The following SLC26A8 variants were observed in gnomAD, a reference collection of about 807,000 sequenced individuals.
SLC26A8 encodes testis anion transporter 1.
SLC26A8 carries 70 observed loss-of-function variants against 105.0 expected under a neutral mutation model. That is an observed-to-expected ratio of 0.67 (90% CI 0.55 to 0.81). The LOEUF (loss-of-function observed/expected upper bound fraction) is 0.81. Ranked by LOEUF, SLC26A8 falls within the 40% of genes least tolerant of loss-of-function variation. The pLI, the probability that SLC26A8 is intolerant of heterozygous loss-of-function variation, is 0.00. For missense variants in SLC26A8, 998 were observed against 1,181.8 expected (o/e 0.84, Z 2.28); for synonymous variants, 415 against 438.3 (o/e 0.95, Z 0.66).
In SLC26A8 at chr6:35,990,563, G is replaced by C. The variant is rs147101766; in HGVS notation, c.942+1096C>G. Reference sequence around the variant, plus strand: ...TCTCAGTTTGACATCTTCTCATCTAGATGTGCTCCTATGTTCAAGTCCAGG... The same window carrying C: ...TCTCAGTTTGACATCTTCTCATCTACATGTGCTCCTATGTTCAAGTCCAGG... On this transcript the variant is annotated intron_variant, in intron 7 of 19. Coordinates refer to ENST00000490799, the MANE Select transcript of SLC26A8 (RefSeq NM_052961.4). 30 of 153,696 alleles carry C rather than the reference G, an allele frequency of 2.0e-4. No homozygotes were observed. In the East Asian group the frequency reaches 5.1e-3, roughly 26 times the overall value. 9.5% of individuals were successfully genotyped at this position (153,696 alleles called of 1,614,324 possible).
intron 19 of SLC26A8, among the ~76,000 whole-genome samples, chr6:35,950,418 C>T (rs187527861): frequency 1.3e-5 from 2 of 151,976 alleles, no homozygotes; most frequent in Admixed American, 1.3e-4. Flanking sequence ...TCCCAAGCAA[C>T]TGGGACTACA....
At chr6:35,959,894 T>C (rs1319819094) in intron 14 of SLC26A8, 88 bp from the exon 15 acceptor site, 1 of 1,025,826 alleles carries the variant, frequency 9.7e-7, no homozygotes, top group Non-Finnish European at 1.4e-6. Context: ...CTAGAGAGTC[T>C]GTATTCTTCT....
intron 6 of SLC26A8, 124 bp downstream of exon 6, chr6:35,992,386 C>A: frequency 1.1e-6 from 1 of 940,840 alleles, no homozygotes; most frequent in South Asian, 2.1e-5. Flanking sequence ...ACCCTCTTGA[C>A]TGAGCTGCCT....
chr6:35,966,820 C>T lies in SLC26A8; in HGVS notation c.1365+2057G>A, dbSNP rs79144331. Among the ~76,000 whole-genome samples the T allele has an allele frequency of 7.1e-4, 108 of 152,202 alleles. 1 individual carries two copies. In the East Asian group the frequency reaches 0.019, roughly 26 times the overall value. ...CACTCAGAAACATGCTAACTAGATG[C>T]TATAAAATTAATGTGATGTAATATG... On this transcript the variant is annotated intron_variant, in intron 11 of 19. Coordinates refer to ENST00000490799, the MANE Select transcript of SLC26A8 (RefSeq NM_052961.4).
intron 5 of SLC26A8, among the ~76,000 whole-genome samples, chr6:35,995,260 A>G (rs1761319263): frequency 6.6e-6 from 1 of 152,168 alleles, no homozygotes; most frequent in Non-Finnish European, 1.5e-5. Flanking sequence ...GTAATATGGC[A>G]TCACGTTCAG....
At chr6:35,988,376 G>A (rs1221394170) in intron 7 of SLC26A8, among the ~76,000 whole-genome samples, 1 of 152,152 alleles carries the variant, frequency 6.6e-6, no homozygotes, top group Non-Finnish European at 1.5e-5. Flanking sequence ...GCTCATGCCT[G>A]TAATCCTGGC....
At chr6:35,948,674 T>C (rs1257002509) in intron 19 of SLC26A8, among the ~76,000 whole-genome samples, 2 of 152,206 alleles carry the variant, frequency 1.3e-5, no homozygotes, top group Non-Finnish European at 2.9e-5. Flanking sequence ...AAATACACTT[T>C]AGTTTTCATA....
intron 11 of SLC26A8, among the ~76,000 whole-genome samples, chr6:35,966,029 G>T (rs1264935759): frequency 6.7e-6 from 1 of 149,560 alleles, no homozygotes; most frequent in East Asian, 2.0e-4. Context: ...AGATTTTCTT[G>T]TGGTCATGAA....
rs569950597 is a variant in SLC26A8, at chr6:35,983,179, T to C, written c.943-976A>G. Among the ~76,000 whole-genome samples the C allele has an allele frequency of 1.6e-4, 25 of 152,274 alleles. No individual in the cohort carries two copies. The South Asian group carries it at 2.1e-3, about 13-fold the overall frequency. On this transcript the variant is annotated intron_variant, in intron 7 of 19. Transcript: ENST00000490799. ...GATACTGTTATCAGATGAAGACCCC[T>C]AGGAAGTCTACAGATTAGAATGGAA...
At chr6:36,018,747 A>C (rs1184874737) in intron 2 of SLC26A8, among the ~76,000 whole-genome samples, 1 of 152,214 alleles carries the variant, frequency 6.6e-6, no homozygotes, top group Admixed American at 6.5e-5. Flanking sequence ...AGAAGGTTCA[A>C]AGCACAAAAA....
At chr6:35,996,450 G>A (rs2127353407) in intron 5 of SLC26A8, among the ~76,000 whole-genome samples, 1 of 152,286 alleles carries the variant, frequency 6.6e-6, no homozygotes, top group South Asian at 2.1e-4. Context: ...TCCTTTAGCT[G>A]TGGTCCTTGT....
chr6:35,963,886 T>C lies in SLC26A8; in HGVS notation c.1366-1265A>G, dbSNP rs533661188. ...GTAATGATTTACTAATGAAATACCA[T>C]TTTGTTTATCAAATTAAATGAGCAA... On this transcript the variant is annotated intron_variant, in intron 11 of 19. Coordinates refer to ENST00000490799, the MANE Select transcript of SLC26A8 (RefSeq NM_052961.4). 2.6e-5 allele frequency among the ~76,000 whole-genome samples: 4 copies of C among 152,348 alleles called. No individual in the cohort carries two copies. In the South Asian group the frequency reaches 6.2e-4, roughly 24 times the overall value.
chr6:35,955,779 A>T (rs1772038430), intron 16 of SLC26A8, among the ~76,000 whole-genome samples: 1 of 152,120 alleles, frequency 6.6e-6, no homozygotes, highest in Admixed American at 6.6e-5. Context: ...TGTCCCAGTG[A>T]GCCAGACTTA....
chr6:35,963,469 T>C (rs1433082923), intron 11 of SLC26A8, among the ~76,000 whole-genome samples: 1 of 152,258 alleles, frequency 6.6e-6, no homozygotes, highest in East Asian at 1.9e-4. Context: ...GTCCTCTTGC[T>C]GAGGCGCCTC....
At chr6:36,007,902 C>T (rs1314957444) in intron 3 of SLC26A8, among the ~76,000 whole-genome samples, 2 of 148,954 alleles carry the variant, frequency 1.3e-5, no homozygotes, top group East Asian at 2.0e-4. Context: ...GGGCAGATCA[C>T]GAGGTCAGGA....
At chr6:35,993,197 G>A (rs866372769) in intron 5 of SLC26A8, among the ~76,000 whole-genome samples, 25 of 95,762 alleles carry the variant, frequency 2.6e-4, no homozygotes, top group Admixed American at 8.6e-4. Context: ...GGAGGGGGGG[G>A]TCTTGCTATA....
Position 35,982,131 on chromosome 6 carries a change from T to C in SLC26A8, c.1015A>G (p.Ile339Val), listed in dbSNP as rs779208405. 1.8e-5 allele frequency: 29 copies of C among 1,613,962 alleles called. 1 individual carries two copies. The South Asian group carries it at 2.9e-4, about 16-fold the overall frequency. ...AGTGGAATTACTGACCTATAAGGAA[T>C]CATGTCAATAAGCGTCTGGCTGGTT... is the stretch of plus-strand genomic sequence containing the variant. ...TETSQTLIDMIPYSFLLPVTP... is the reference protein window; with the variant it reads ...TETSQTLIDMVPYSFLLPVTP... Residue 339 changes from isoleucine (I) to valine (V), a missense_variant, in exon 8 of 20, where the codon ATT (isoleucine) becomes GTT (valine). By Grantham distance (29) the Ile-to-Val change is conservative. Transcript: ENST00000490799.
At chr6:35,946,530 GGC>G (rs1250339948) in intron 19 of SLC26A8, among the ~76,000 whole-genome samples, 1 of 151,920 alleles carries the variant, frequency 6.6e-6, no homozygotes, top group African/African-American at 2.4e-5. Flanking sequence ...GGCCACACCT[GGC>G]CCAGGCATTT....
chr6:36,000,459 A>G (rs1228269057), intron 3 of SLC26A8, among the ~76,000 whole-genome samples: 1 of 152,224 alleles, frequency 6.6e-6, no homozygotes, highest in Non-Finnish European at 1.5e-5. Flanking sequence ...GTCTAGCACA[A>G]GCAGGCCGTG....
Sources: gnomAD v4.1 joint callset for allele counts (sites outside exome capture counted in the v4.1 genomes callset) on GRCh38, gnomAD v4.1.1 for gene constraint, MANE v1.5 for transcripts, NCBI Gene and HGNC (gene_info 2026-07-23, HGNC 2026-07-21) for gene names.